AEBP2: variants seen among roughly 807,000 people sequenced by gnomAD.
AEBP2 encodes the protein AE binding protein 2.
Under a neutral mutation model 50.8 loss-of-function variants are expected in AEBP2, and 10 were observed. That is an observed-to-expected ratio of 0.20 (90% CI 0.12 to 0.33). AEBP2 has a LOEUF of 0.33. AEBP2 is among the 10% of genes least tolerant of loss of function. The probability of loss-of-function intolerance (pLI) is 1.00; values close to 1 mark genes in which losing one functional copy is unlikely to be tolerated. For missense variants in AEBP2, 570 were observed against 688.0 expected (o/e 0.83, Z 1.92); for synonymous variants, 296 against 261.3 (o/e 1.13, Z -1.28).
chr12:19,457,750 A>G (rs975265494), intron 1 of AEBP2: 1 of 593,550 alleles, frequency 1.7e-6, no homozygotes, highest in African/African-American at 1.9e-5. Flanking sequence ...GGTTCCTACT[A>G]GTCAAAATGT....
intron 1 of AEBP2, among the ~76,000 whole-genome samples, chr12:19,417,562 C>G (rs1056882480): frequency 2.0e-5 from 3 of 151,786 alleles, no homozygotes; most frequent in African/African-American, 7.3e-5. Flanking sequence ...CACGCACCAC[C>G]ACACCCGGCC....
At chr12:19,407,123 G>A (rs899203179) in intron 1 of AEBP2, among the ~76,000 whole-genome samples, 5 of 151,918 alleles carry the variant, frequency 3.3e-5, no homozygotes, top group Admixed American at 6.6e-5. Flanking sequence ...ACAACATAGC[G>A]AAACCCCATC....
chr12:19,456,397 C>G (rs1046075260), intron 1 of AEBP2: 13 of 1,377,998 alleles, frequency 9.4e-6, no homozygotes, highest in African/African-American at 1.4e-5. Context: ...GAGAAGCACT[C>G]AACACACACG....
Position 19,518,402 on chromosome 12 carries a change from T to G in AEBP2, c.*285T>G. 2 of 1,231,390 alleles carry G rather than the reference T, an allele frequency of 1.6e-6. No individual in the cohort carries two copies. The highest frequency in any genetic ancestry group is 2.0e-6 in the Non-Finnish European group (2 of 985,668). The allele number at this position is 1,231,390 out of a possible 1,614,324, so 76.3% of individuals were successfully genotyped here. A position where few individuals can be genotyped will look rare whatever the true frequency, so the allele number is the denominator to read the frequency against. On this transcript the variant is annotated 3_prime_UTR_variant, in exon 8 of 8. Coordinates refer to ENST00000266508, the MANE Select transcript of AEBP2 (RefSeq NM_153207.5). ...TCTTTTGGCAACTTAGTAGAACAGC[T>G]TCTTAAAGGCTTTGCATGCTTGCTG...
intron 3 of AEBP2, among the ~76,000 whole-genome samples, chr12:19,491,328 T>C (rs1158939357): frequency 6.6e-6 from 1 of 152,186 alleles, no homozygotes; most frequent in Admixed American, 6.5e-5. Flanking sequence ...GTTGTATGAA[T>C]TAAATACTAA....
chr12:19,497,526 G>T (rs1377864594), intron 4 of AEBP2, among the ~76,000 whole-genome samples: 5 of 151,910 alleles, frequency 3.3e-5, no homozygotes, highest in Non-Finnish European at 7.4e-5. Flanking sequence ...AGGCTGGAGT[G>T]CAGTGGTGCA....
intron 1 of AEBP2, among the ~76,000 whole-genome samples, chr12:19,421,903 A>G (rs916385481): frequency 6.6e-6 from 1 of 151,902 alleles, no homozygotes; most frequent in Non-Finnish European, 1.5e-5. Context: ...TAATCCCAGC[A>G]CTTTGGGAGG....
At chr12:19,483,249 T>A (rs991112966) in intron 3 of AEBP2, among the ~76,000 whole-genome samples, 2 of 152,184 alleles carry the variant, frequency 1.3e-5, no homozygotes, top group Non-Finnish European at 2.9e-5. Context: ...TGGGAATGCT[T>A]ACAAGGCATT....
At chr12:19,476,397 A>G (rs1397991224) in intron 3 of AEBP2, among the ~76,000 whole-genome samples, 1 of 152,052 alleles carries the variant, frequency 6.6e-6, no homozygotes, top group Non-Finnish European at 1.5e-5. Context: ...GCTGGACTGC[A>G]GTGGTGTGAT....
At chr12:19,434,036 G>A (rs775590905) in intron 1 of AEBP2, among the ~76,000 whole-genome samples, 3 of 151,806 alleles carry the variant, frequency 2.0e-5, no homozygotes, top group Non-Finnish European at 2.9e-5. Context: ...TAGTAGGGAC[G>A]AGGTTTTACC....
At chr12:19,421,699 A>AG (rs962598353) in intron 1 of AEBP2, among the ~76,000 whole-genome samples, 1 of 152,220 alleles carries the variant, frequency 6.6e-6, no homozygotes, top group African/African-American at 2.4e-5. Context: ...GTCACATAGC[A>AG]GGGGGGCCTG....
Position 19,507,351 on chromosome 12 carries a change from C to T in AEBP2, c.1300-5047C>T, listed in dbSNP as rs376817789. On this transcript the variant is annotated intron_variant, in intron 5 of 7. Coordinates refer to ENST00000266508, the MANE Select transcript of AEBP2 (RefSeq NM_153207.5). ...TAGAGCAGCTCCTTTTGATGAAATC[C>T]TTAGCTTCACCATGGGAGGAATAGC... is the stretch of plus-strand genomic sequence containing the variant. 9.9e-4 allele frequency among the ~76,000 whole-genome samples: 151 copies of T among 152,196 alleles called. 1 individual carries two copies. Among genetic ancestry groups the T allele is most frequent in the African/African-American group, 3.5e-3 (145 of 41,532 alleles).
At chr12:19,514,861 T>G (rs552695587) in intron 7 of AEBP2, 77 bp downstream of exon 7, 1 of 1,147,352 alleles carries the variant, frequency 8.7e-7, no homozygotes, top group African/African-American at 1.6e-5. Context: ...AAATTAGGAC[T>G]TAGTTTTAAG....
intron 4 of AEBP2, among the ~76,000 whole-genome samples, chr12:19,497,359 G>A (rs1478758177): frequency 5.4e-5 from 5 of 92,124 alleles, no homozygotes; most frequent in African/African-American, 2.4e-4. Context: ...TTTTGAGACA[G>A]AGTCTCACAC....
chr12:19,447,454 A>T (rs952012767), intron 1 of AEBP2, among the ~76,000 whole-genome samples: 1 of 152,228 alleles, frequency 6.6e-6, no homozygotes, highest in Admixed American at 6.5e-5. Context: ...GCACCTGGCT[A>T]TGTAAACGTT....
chr12:19,499,668 C>G (rs1949037835), intron 4 of AEBP2, among the ~76,000 whole-genome samples: 1 of 148,630 alleles, frequency 6.7e-6, no homozygotes, highest in African/African-American at 2.5e-5. Flanking sequence ...CAGATTTGTA[C>G]AATTTGAAAT....
intron 1 of AEBP2, among the ~76,000 whole-genome samples, chr12:19,409,301 G>C (rs903174120): frequency 6.6e-6 from 1 of 151,608 alleles, no homozygotes; most frequent in African/African-American, 2.4e-5. Flanking sequence ...TTCCCTTTGG[G>C]TCCTAATTAA....
intron 3 of AEBP2, among the ~76,000 whole-genome samples, chr12:19,488,912 C>A (rs565290835): frequency 1.3e-5 from 2 of 152,150 alleles, no homozygotes. Context: ...GCTTCATCCT[C>A]CAAGTAGCTG....
At chr12:19,481,604 G>A (rs995834293) in intron 3 of AEBP2, among the ~76,000 whole-genome samples, 3 of 151,794 alleles carry the variant, frequency 2.0e-5, no homozygotes, top group Admixed American at 2.0e-4. Flanking sequence ...TCATCCTCCC[G>A]AGTAGCTGGG....
Sources: gnomAD v4.1 joint callset for allele counts (sites outside exome capture counted in the v4.1 genomes callset) on GRCh38, gnomAD v4.1.1 for gene constraint, MANE v1.5 for transcripts, NCBI Gene and HGNC (gene_info 2026-07-23, HGNC 2026-07-21) for gene names.